Variants in CNTNAP2 observed in about 807,000 individuals in gnomAD.
CNTNAP2 encodes the protein contactin-associated protein-like 2.
CNTNAP2 carries 98 observed loss-of-function variants against 155.2 expected under a neutral mutation model. The ratio of observed to expected loss-of-function variants is 0.63; its 90% CI spans 0.54 to 0.75. The LOEUF is 0.75. Ranked by LOEUF, CNTNAP2 falls within the 30% of genes least tolerant of loss-of-function variation. The probability of loss-of-function intolerance (pLI) is 0.00; values close to 1 mark genes in which losing one functional copy is unlikely to be tolerated. For synonymous variants in CNTNAP2, 651 were observed against 631.2 expected, an observed-to-expected ratio of 1.03 and a Z score of -0.47; for missense variants, 1,727 against 1,688.1, an observed-to-expected ratio of 1.02 and a Z score of -0.40.
intron 1 of CNTNAP2, among the ~76,000 whole-genome samples, chr7:146,718,072 A>G (rs974718701): frequency 4.6e-5 from 7 of 152,172 alleles, no homozygotes; most frequent in Non-Finnish European, 1.0e-4. Context: ...AATAACAATT[A>G]CCATCCTGAT....
At chr7:147,535,756 C>A (rs1280593282) in intron 11 of CNTNAP2, among the ~76,000 whole-genome samples, 1 of 152,034 alleles carries the variant, frequency 6.6e-6, no homozygotes, top group Non-Finnish European at 1.5e-5. Flanking sequence ...AGGCGAGGAC[C>A]GCGAAGGTCA....
At chr7:147,659,452 A>G (rs969097166) in intron 13 of CNTNAP2, among the ~76,000 whole-genome samples, 2 of 152,230 alleles carry the variant, frequency 1.3e-5, no homozygotes, top group Non-Finnish European at 2.9e-5. Flanking sequence ...CTCCCTGGAA[A>G]CTGTTGTGAT....
intron 13 of CNTNAP2, among the ~76,000 whole-genome samples, chr7:147,779,653 G>C (rs1341055947): frequency 3.9e-5 from 6 of 152,094 alleles, no homozygotes; most frequent in African/African-American, 1.4e-4. Context: ...CATGTTTTCT[G>C]ACTTCAAGAC....
At chr7:146,751,478 T>C (rs1054293177) in intron 1 of CNTNAP2, among the ~76,000 whole-genome samples, 1 of 152,164 alleles carries the variant, frequency 6.6e-6, no homozygotes, top group African/African-American at 2.4e-5. Context: ...TTCCTTTCCT[T>C]ACAGGAATTA....
At chr7:148,040,336 TA>T (rs1802647679) in intron 15 of CNTNAP2, among the ~76,000 whole-genome samples, 1 of 152,222 alleles carries the variant, frequency 6.6e-6, no homozygotes, top group African/African-American at 2.4e-5. Context: ...ATCTCTCTTC[TA>T]CAAAGCCTTA....
chr7:146,948,871 C>T (rs1183328109), intron 3 of CNTNAP2, among the ~76,000 whole-genome samples: 1 of 152,126 alleles, frequency 6.6e-6, no homozygotes, highest in Non-Finnish European at 1.5e-5. Flanking sequence ...CAACCTCACA[C>T]TGTGTAATTC....
At chr7:146,117,144 T>A in intron 1 of CNTNAP2, 171 bp downstream of exon 1, 1 of 624,378 alleles carries the variant, frequency 1.6e-6, no homozygotes, top group Non-Finnish European at 2.9e-6. Flanking sequence ...AACCCAGCGT[T>A]TCTGTTTTGG....
chr7:146,947,404 CTCTCTCTATA>C (rs1473208030), intron 3 of CNTNAP2, among the ~76,000 whole-genome samples: 40 of 131,750 alleles, frequency 3.0e-4, no homozygotes, highest in African/African-American at 1.1e-3. Context: ...CTCTCTCTCT[CTCTCTCTATA>C]TATATATATA....
chr7:146,974,593 T>C (rs1797870106), intron 3 of CNTNAP2, among the ~76,000 whole-genome samples: 1 of 152,330 alleles, frequency 6.6e-6, no homozygotes, highest in South Asian at 2.1e-4. Flanking sequence ...CAAAGTTATC[T>C]CTCCAAATTG....
intron 1 of CNTNAP2, among the ~76,000 whole-genome samples, chr7:146,159,069 G>A (rs1798175200): frequency 1.3e-5 from 2 of 152,154 alleles, no homozygotes; most frequent in Non-Finnish European, 2.9e-5. Context: ...AAGCCAGAAG[G>A]GAGTGGGGGC....
intron 11 of CNTNAP2, among the ~76,000 whole-genome samples, chr7:147,493,067 G>A (rs557661297): frequency 5.9e-5 from 9 of 152,086 alleles, no homozygotes; most frequent in Admixed American, 1.3e-4. Context: ...ACTAAGTTTC[G>A]AAAAACAGCT....
At chr7:146,875,821 G>A (rs1335048812) in intron 3 of CNTNAP2, among the ~76,000 whole-genome samples, 1 of 150,158 alleles carries the variant, frequency 6.7e-6, no homozygotes, top group Non-Finnish European at 1.5e-5. Flanking sequence ...TACAGCAGAA[G>A]GGTCACTTGA....
rs79540007 is a variant in CNTNAP2 at position 146,852,567 on chromosome 7, A to G, written c.402+12663A>G. On this transcript the variant is annotated intron_variant, in intron 3 of 23. Coordinates refer to ENST00000361727, the MANE Select transcript of CNTNAP2 (RefSeq NM_014141.6). ...TATTCTGCACTAGGCACCATTTAAC[A>G]CTATCAACATCATGTAATTCTTTGA... 9.6e-3 allele frequency among the ~76,000 whole-genome samples: 1,456 copies of G among 152,292 alleles called. 25 individuals are homozygous for G. The highest frequency in any genetic ancestry group is 0.034 in the African/African-American group (1,404 of 41,552).
chr7:146,248,803 C>T (rs1390708227), intron 1 of CNTNAP2, among the ~76,000 whole-genome samples: 2 of 152,114 alleles, frequency 1.3e-5, no homozygotes, highest in African/African-American at 4.8e-5. Flanking sequence ...ATCCGAGTCA[C>T]GGCACCAAAT....
chr7:148,112,155 T>C (rs566512115), intron 15 of CNTNAP2, among the ~76,000 whole-genome samples: 1 of 151,862 alleles, frequency 6.6e-6, no homozygotes, highest in African/African-American at 2.4e-5. Flanking sequence ...TTGAGAAGAG[T>C]TTTACTGCTG....
intron 19 of CNTNAP2, among the ~76,000 whole-genome samples, chr7:148,222,737 T>C (rs1431337517): frequency 2.0e-5 from 3 of 152,278 alleles, no homozygotes; most frequent in Admixed American, 6.5e-5. Flanking sequence ...TTGTATAATG[T>C]CTTTATTAAA....
intron 9 of CNTNAP2, among the ~76,000 whole-genome samples, chr7:147,356,508 C>T (rs997542019): frequency 1.3e-5 from 2 of 152,080 alleles, no homozygotes; most frequent in Non-Finnish European, 2.9e-5. Context: ...TTGCAGATGA[C>T]ATGATTATAC....
intron 17 of CNTNAP2, among the ~76,000 whole-genome samples, chr7:148,154,575 G>A (rs959061148): frequency 2.8e-4 from 42 of 152,236 alleles, no homozygotes; most frequent in African/African-American, 9.4e-4. Context: ...TTCTAATAAT[G>A]AAATTCACCC....
intron 1 of CNTNAP2, among the ~76,000 whole-genome samples, chr7:146,536,352 T>TTAA (rs1341149452): frequency 3.3e-5 from 5 of 152,008 alleles, no homozygotes; most frequent in Non-Finnish European, 5.9e-5. Flanking sequence ...AATATGAGTA[T>TTAA]TAATAATAAT....
Sources: gnomAD v4.1 joint callset for allele counts (sites outside exome capture counted in the v4.1 genomes callset) on GRCh38, gnomAD v4.1.1 for gene constraint, MANE v1.5 for transcripts, NCBI Gene and HGNC (gene_info 2026-07-23, HGNC 2026-07-21) for gene names.